AURKA: variants seen among roughly 807,000 people sequenced by gnomAD.
The protein encoded by AURKA is aurora kinase A.
AURKA carries 12 observed loss-of-function variants against 40.9 expected under a neutral mutation model. That is an observed-to-expected ratio of 0.29 (90% confidence interval 0.19 to 0.48). AURKA has a LOEUF of 0.48. AURKA is among the 20% of genes least tolerant of loss of function. The pLI, the probability that AURKA is intolerant of heterozygous loss-of-function variation, is 0.99. For missense variants in AURKA, 322 were observed against 462.1 expected (o/e 0.70, Z 2.78); for synonymous variants, 170 against 164.3 (o/e 1.03, Z -0.26).
intron 4 of AURKA, 54 bp downstream of exon 4, chr20:56,384,216 G>A (rs530841582): frequency 2.6e-5 from 38 of 1,460,462 alleles, no homozygotes; most frequent in Middle Eastern, 1.7e-4. Context: ...AATTTGCAAC[G>A]AAATAATATA....
At position 56,372,590 on chromosome 20, in the gene AURKA, A is replaced by G. The variant is rs118138954; in HGVS notation, c.854+818T>C. 6.3e-3 allele frequency among the ~76,000 whole-genome samples: 947 copies of G among 151,234 alleles called. 5 individuals are homozygous for G. Among genetic ancestry groups the G allele is most frequent in the Non-Finnish European group, 8.3e-3 (563 of 67,904 alleles). On this transcript the variant is annotated intron_variant, in intron 7 of 8. Coordinates refer to ENST00000395915, the MANE Select transcript of AURKA (RefSeq NM_198437.3). The stretch of plus-strand genomic sequence containing the variant: ...GCAGATTCAGTGCATTGCTGGAACA[A>G]TTAGAAGTGCTCTGTAACAAAAGCA...
Position 56,386,323 on chromosome 20 carries a change from G to A in AURKA, c.253C>T (p.Pro85Ser), listed in dbSNP as rs1468523581. The A allele has an allele frequency of 3.7e-6, 6 of 1,614,216 alleles. No individual in the cohort carries two copies. The highest frequency in any genetic ancestry group is 5.1e-6 in the Non-Finnish European group (6 of 1,180,046). The change falls in exon 3 of 9, where the codon CCT becomes TCT. Residue 85 changes from proline to serine, a missense_variant. Coordinates refer to ENST00000395915, the MANE Select transcript of AURKA (RefSeq NM_198437.3). ...KQKQLQATSV[P>S]HPVSRPLNNT... ...TTCAGTGGCCTGGAGACAGGATGAG[G>A]TACACTGGTTGCCTGCAATTGCTTC...
intron 1 of AURKA, among the ~76,000 whole-genome samples, chr20:56,389,956 G>A (rs1855825398): frequency 1.3e-5 from 2 of 151,962 alleles, no homozygotes; most frequent in South Asian, 4.1e-4. Flanking sequence ...GCCTCCCAAT[G>A]GCCTCCCCAC....
At chr20:56,378,868 G>C (rs1809465850) in intron 6 of AURKA, among the ~76,000 whole-genome samples, 1 of 152,214 alleles carries the variant, frequency 6.6e-6, no homozygotes, top group Non-Finnish European at 1.5e-5. Context: ...GTGGTTGCCA[G>C]AGATGGAAGG....
At chr20:56,390,403 G>A (rs970317599) in intron 1 of AURKA, among the ~76,000 whole-genome samples, 1 of 151,848 alleles carries the variant, frequency 6.6e-6, no homozygotes, top group Non-Finnish European at 1.5e-5. Flanking sequence ...CACCTCCTGG[G>A]TTCAAGCAAT....
chr20:56,387,791 G>T (rs1274594361), intron 2 of AURKA, among the ~76,000 whole-genome samples: 1 of 152,160 alleles, frequency 6.6e-6, no homozygotes, highest in African/African-American at 2.4e-5. Flanking sequence ...TTTTTTAAAT[G>T]GCCGTTATCA....
At chr20:56,384,173 G>A (rs1158654507) in intron 4 of AURKA, 97 bp downstream of exon 4, 1 of 873,642 alleles carries the variant, frequency 1.1e-6, no homozygotes, top group Non-Finnish European at 1.8e-6. Flanking sequence ...GCAAATAAAG[G>A]CCTCATTTTT....
At chr20:56,382,887 G>A (rs1450077926) in intron 5 of AURKA, 98 bp downstream of exon 5, 4 of 1,309,220 alleles carry the variant, frequency 3.1e-6, no homozygotes, top group Non-Finnish European at 4.4e-6. Context: ...CTCGTAAGAG[G>A]GAGTGAAGGG....
chr20:56,380,013 C>T (rs1985489025), intron 6 of AURKA, among the ~76,000 whole-genome samples: 1 of 148,914 alleles, frequency 6.7e-6, no homozygotes, highest in African/African-American at 2.5e-5. Flanking sequence ...AAAAAAAAAC[C>T]ACACACACGC....
intron 7 of AURKA, among the ~76,000 whole-genome samples, chr20:56,372,631 A>G (rs1048597635): frequency 1.3e-5 from 2 of 151,156 alleles, no homozygotes; most frequent in African/African-American, 4.9e-5. Context: ...TTTCTCCCTC[A>G]TATTCTATTT....
At chr20:56,391,052 C>T (rs1987040403) in intron 1 of AURKA, among the ~76,000 whole-genome samples, 1 of 152,174 alleles carries the variant, frequency 6.6e-6, no homozygotes, top group Non-Finnish European at 1.5e-5. Flanking sequence ...GGAGACTGCC[C>T]TTCAGGTGAC....
rs565054760 is a variant in AURKA at position 56,373,701 on chromosome 20, A to G, written c.706-145T>C. The stretch of plus-strand genomic sequence containing the variant: ...CACAGTGGCTCACACCTATAATCCC[A>G]ACACTTTGGGGGACTGAGGTGGGAG... On this transcript the variant is annotated intron_variant, in intron 6 of 8. Coordinates refer to ENST00000395915, the MANE Select transcript of AURKA (RefSeq NM_198437.3). This position sits in a 1 kb window ranked among gnomAD's most constrained non-coding sequence, Gnocchi z 5.0. 5 of 925,800 alleles carry G rather than the reference A, an allele frequency of 5.4e-6. No individual in the cohort carries two copies. Among genetic ancestry groups the G allele is most frequent in the Non-Finnish European group, 8.2e-6 (5 of 606,288 alleles). 57.3% of individuals were successfully genotyped at this position (925,800 alleles called of 1,614,324 possible).
chr20:56,382,942 A>G, intron 5 of AURKA, 43 bp downstream of exon 5: 7 of 1,604,168 alleles, frequency 4.4e-6, no homozygotes, highest in Non-Finnish European at 5.1e-6. Flanking sequence ...GGAGGGGTGC[A>G]GCATTGGTGA....
intron 3 of AURKA, among the ~76,000 whole-genome samples, chr20:56,385,269 AAG>A (rs372584708): frequency 1.1e-3 from 174 of 152,296 alleles, no homozygotes; most frequent in African/African-American, 4.0e-3. Context: ...CGAAGATTGA[AAG>A]AGATGACGTG....
At chr20:56,383,911 T>C (rs563947200) in intron 4 of AURKA, among the ~76,000 whole-genome samples, 8 of 152,340 alleles carry the variant, frequency 5.3e-5, no homozygotes, top group African/African-American at 1.7e-4. Context: ...TATATAGTTC[T>C]GCAACATATT....
At chr20:56,371,429 C>A (rs895329735) in intron 7 of AURKA, among the ~76,000 whole-genome samples, 3 of 151,476 alleles carry the variant, frequency 2.0e-5, no homozygotes, top group African/African-American at 4.9e-5. Context: ...CCACTGCACT[C>A]CAGCCTGGGT....
chr20:56,388,555 T>C (rs999426054), intron 1 of AURKA: 5 of 294,536 alleles, frequency 1.7e-5, no homozygotes, highest in South Asian at 1.6e-4. Flanking sequence ...CTTACACCTG[T>C]AATCCCAGCA....
chr20:56,380,819 G>A (rs990877160), intron 6 of AURKA, among the ~76,000 whole-genome samples: 2 of 152,256 alleles, frequency 1.3e-5, no homozygotes, highest in South Asian at 2.1e-4. Context: ...GAAAAACTAA[G>A]AAAATCTGAA....
intron 1 of AURKA, chr20:56,390,470 G>C (rs1986943766): frequency 6.6e-6 from 1 of 152,086 alleles, no homozygotes; most frequent in African/African-American, 2.4e-5. Context: ...ACCACGCCCA[G>C]CTGATTTTGT....
Sources: allele counts gnomAD v4.1 joint callset (sites outside exome capture counted in the v4.1 genomes callset), GRCh38; gene constraint gnomAD v4.1.1; non-coding constraint Gnocchi (gnomAD v3.1); transcripts MANE v1.5; gene names NCBI Gene and HGNC (gene_info 2026-07-23, HGNC 2026-07-21).